The following MACROD2 variants were observed in gnomAD, a reference collection of about 807,000 sequenced individuals.
MACROD2 encodes ADP-ribose glycohydrolase MACROD2.
MACROD2 carries 36 observed loss-of-function variants against 70.4 expected under a neutral mutation model. The ratio of observed to expected loss-of-function variants is 0.51; its 90% CI spans 0.39 to 0.68. MACROD2 has a LOEUF of 0.68. MACROD2 is among the 30% of genes least tolerant of loss of function. The probability of loss-of-function intolerance (pLI) is 0.00; values close to 1 mark genes in which losing one functional copy is unlikely to be tolerated. For missense variants in MACROD2, 496 were observed against 538.4 expected, an observed-to-expected ratio of 0.92 and a Z score of 0.78; for synonymous variants, 172 against 178.8, an observed-to-expected ratio of 0.96 and a Z score of 0.30.
chr20:15,833,643 G>T (rs2064081769), intron 8 of MACROD2, among the ~76,000 whole-genome samples: 1 of 152,134 alleles, frequency 6.6e-6, no homozygotes, highest in Admixed American at 6.5e-5. Flanking sequence ...AGCAAAGAAA[G>T]ATATTCTTAA....
intron 4 of MACROD2, among the ~76,000 whole-genome samples, chr20:14,588,690 A>G (rs116419815): frequency 6.6e-6 from 1 of 152,076 alleles, no homozygotes; most frequent in Non-Finnish European, 1.5e-5. Flanking sequence ...TCTTGAACTC[A>G]TGACCTTGTG....
chr20:15,506,903 C>T (rs1233759), intron 8 of MACROD2, among the ~76,000 whole-genome samples: 128,352 of 152,150 alleles, frequency 0.84, 54,496 homozygotes, highest in East Asian at 0.98. Flanking sequence ...CATCTGAGTA[C>T]CTATTATGGT....
intron 8 of MACROD2, among the ~76,000 whole-genome samples, chr20:15,568,824 A>G (rs1446025457): frequency 6.6e-6 from 1 of 152,344 alleles, no homozygotes; most frequent in East Asian, 1.9e-4. Context: ...TGCCAAGATC[A>G]GTCTCTATGG....
intron 6 of MACROD2, among the ~76,000 whole-genome samples, chr20:15,392,926 G>A (rs972907681): frequency 3.3e-5 from 5 of 151,616 alleles, no homozygotes; most frequent in Admixed American, 2.6e-4. Flanking sequence ...TGCTACCTAG[G>A]ACATGCCTTA....
rs1253416655 is a variant in MACROD2 at position 14,548,525 on chromosome 20, C to T, written c.301+55017C>T. 1.7e-4 allele frequency among the ~76,000 whole-genome samples: 3 copies of T among 17,878 alleles called. 1 individual carries two copies. Among genetic ancestry groups the T allele is most frequent in the South Asian group, 4.2e-3 (1 of 240 alleles). The allele number at this position is 17,878 out of a possible 152,430, so 11.7% of individuals were successfully genotyped here. A position where few individuals can be genotyped will look rare whatever the true frequency, so the allele number is the denominator to read the frequency against. On this transcript the variant is annotated intron_variant, in intron 4 of 17. Coordinates refer to ENST00000684519, the MANE Select transcript of MACROD2 (RefSeq NM_001351661.2). ...CGAGGTCAGGAGATCGAGACCATCC[C>T]GGCTAAAACGGTGAAACCCCGTCTC... is the stretch of plus-strand genomic sequence containing the variant.
intron 5 of MACROD2, among the ~76,000 whole-genome samples, chr20:14,928,839 A>G (rs1398584758): frequency 6.6e-6 from 1 of 152,314 alleles, no homozygotes; most frequent in East Asian, 1.9e-4. Flanking sequence ...TATGCAATAA[A>G]TGACACCAAC....
chr20:14,817,034 A>T (rs1454885974), intron 5 of MACROD2, among the ~76,000 whole-genome samples: 3 of 152,150 alleles, frequency 2.0e-5, no homozygotes, highest in Admixed American at 2.0e-4. Flanking sequence ...TCACTGAGCA[A>T]TATGATTTTC....
intron 8 of MACROD2, among the ~76,000 whole-genome samples, chr20:15,798,065 C>T (rs993829692): frequency 6.6e-5 from 10 of 152,106 alleles, no homozygotes; most frequent in Admixed American, 1.3e-4. Context: ...CTGTGTTTTG[C>T]TAAAACTTTA....
At chr20:16,020,317 T>TTCCCA (rs2066984041) in intron 15 of MACROD2, among the ~76,000 whole-genome samples, 1 of 152,044 alleles carries the variant, frequency 6.6e-6, no homozygotes, top group Non-Finnish European at 1.5e-5. Flanking sequence ...CCATGGTCCT[T>TTCCCA]TGCTCCTGGC....
intron 4 of MACROD2, among the ~76,000 whole-genome samples, chr20:14,595,282 T>C (rs1183516299): frequency 6.6e-6 from 1 of 152,136 alleles, no homozygotes; most frequent in Non-Finnish European, 1.5e-5. Context: ...GTGGGGTTTA[T>C]TGGACGAAAA....
chr20:15,843,197 T>C (rs1436434021), intron 8 of MACROD2, among the ~76,000 whole-genome samples: 1 of 152,192 alleles, frequency 6.6e-6, no homozygotes, highest in East Asian at 1.9e-4. Context: ...CAAGTGGCCT[T>C]GTTATTATAT....
intron 5 of MACROD2, among the ~76,000 whole-genome samples, chr20:15,002,562 G>T (rs1186173523): frequency 6.6e-6 from 1 of 152,030 alleles, no homozygotes; most frequent in Non-Finnish European, 1.5e-5. Context: ...TTAATACTTG[G>T]TGCCTACCCA....
At chr20:15,474,963 C>T (rs1296318851) in intron 7 of MACROD2, among the ~76,000 whole-genome samples, 3 of 151,922 alleles carry the variant, frequency 2.0e-5, no homozygotes, top group Non-Finnish European at 2.9e-5. Context: ...GCTCTCTGTA[C>T]CTGGGGGATC....
intron 4 of MACROD2, among the ~76,000 whole-genome samples, chr20:14,513,050 A>G (rs751620313): frequency 2.0e-5 from 3 of 152,118 alleles, no homozygotes; most frequent in Non-Finnish European, 4.4e-5. Flanking sequence ...CTTGGCAAGA[A>G]GAAGAGTTGG....
chr20:14,388,014 G>T (rs1232187944), intron 3 of MACROD2, among the ~76,000 whole-genome samples: 3 of 142,470 alleles, frequency 2.1e-5, no homozygotes, highest in African/African-American at 7.8e-5. Context: ...ATGTAAGTAG[G>T]TTTTTTTTTT....
At chr20:14,542,031 G>T (rs1475768229) in intron 4 of MACROD2, among the ~76,000 whole-genome samples, 1 of 152,180 alleles carries the variant, frequency 6.6e-6, no homozygotes, top group African/African-American at 2.4e-5. Flanking sequence ...GTTAACATTT[G>T]AGAAATTCAG....
chr20:14,832,053 T>TG (rs2122238630), intron 5 of MACROD2, among the ~76,000 whole-genome samples: 1 of 131,178 alleles, frequency 7.6e-6, no homozygotes, highest in Admixed American at 7.5e-5. Flanking sequence ...TTTTTTTTTT[T>TG]TTTTTTTGAG....
At chr20:15,874,888 G>A (rs1032689302) in intron 9 of MACROD2, among the ~76,000 whole-genome samples, 9 of 152,104 alleles carry the variant, frequency 5.9e-5, no homozygotes, top group Non-Finnish European at 1.3e-4. Flanking sequence ...AATGTTATTT[G>A]GGATTGATTC....
chr20:15,020,565 TC>T lies in MACROD2; in HGVS notation c.419-209373del, dbSNP rs1049510889. On this transcript the variant is annotated intron_variant, in intron 5 of 17. Coordinates refer to ENST00000684519, the MANE Select transcript of MACROD2 (RefSeq NM_001351661.2). ...TGAGCCACTTAATAATAGAGATATG[TC>T]CTGAGAAATGCATTGTTAGGCAATG... is the stretch of plus-strand genomic sequence containing the variant. Among the ~76,000 whole-genome samples the T allele has an allele frequency of 1.5e-3, 234 of 152,182 alleles. 1 individual carries two copies. The highest frequency in any genetic ancestry group is 5.5e-3 in the African/African-American group (230 of 41,518).
Sources: allele counts gnomAD v4.1 joint callset (sites outside exome capture counted in the v4.1 genomes callset), GRCh38; gene constraint gnomAD v4.1.1; transcripts MANE v1.5; gene names NCBI Gene and HGNC (gene_info 2026-07-23, HGNC 2026-07-21).